The following CRTC1 variants were observed in gnomAD, a reference collection of about 807,000 sequenced individuals.
CRTC1 encodes the protein CREB regulated transcription coactivator 1.
In CRTC1, 18 loss-of-function variants were observed where a neutral mutation model predicts 66.1. The observed-to-expected ratio is 0.27, with a 90% confidence interval of 0.19 to 0.40. The LOEUF is 0.40. CRTC1 is among the 10% of genes least tolerant of loss of function. The pLI, the probability that CRTC1 is intolerant of heterozygous loss-of-function variation, is 1.00. For synonymous variants in CRTC1, 416 were observed against 398.8 expected (o/e 1.04, Z -0.51); for missense variants, 669 against 887.9 (o/e 0.75, Z 3.13).
intron 5 of CRTC1, among the ~76,000 whole-genome samples, chr19:18,752,920 G>C (rs909117148): frequency 4.3e-4 from 65 of 151,864 alleles, no homozygotes; most frequent in African/African-American, 1.5e-3. Flanking sequence ...TTACAGGCGT[G>C]AGCCACCACG....
At chr19:18,719,171 C>G (rs2053569337) in intron 1 of CRTC1, among the ~76,000 whole-genome samples, 1 of 152,250 alleles carries the variant, frequency 6.6e-6, no homozygotes, top group Admixed American at 6.5e-5. Flanking sequence ...CCTGCTTCTT[C>G]TACCCTGGCG....
intron 1 of CRTC1, among the ~76,000 whole-genome samples, chr19:18,690,708 A>G (rs1324646714): frequency 6.6e-6 from 1 of 152,002 alleles, no homozygotes; most frequent in East Asian, 1.9e-4. Context: ...GTGGCCCTAA[A>G]TCCGGTGACT....
chr19:18,781,234 C>T lies in CRTC1; in HGVS notation c.*3852C>T, dbSNP rs2055096894. On this transcript the variant is annotated 3_prime_UTR_variant, in exon 14 of 14. Transcript: ENST00000321949. ...GCCCTGGGCCAGGGCGTGCGGGCGC[C>T]AGAGCCTTCCCTACACAGCCTAAGA... The T allele has an allele frequency of 1.3e-5, 3 of 227,364 alleles. No individual in the cohort carries two copies. Among genetic ancestry groups the T allele is most frequent in the African/African-American group, 2.2e-5 (1 of 44,884 alleles). The allele number at this position is 227,364 out of a possible 1,614,324, so 14.1% of individuals were successfully genotyped here.
At position 18,778,201 on chromosome 19, in the gene CRTC1, C is replaced by A. The variant is rs1305529879; in HGVS notation, c.*819C>A. The A allele has an allele frequency of 4.3e-6, 1 of 232,932 alleles. No homozygotes were observed. Among genetic ancestry groups the A allele is most frequent in the Non-Finnish European group, 8.5e-6 (1 of 117,912 alleles). The allele number at this position is 232,932 out of a possible 1,614,324, so 14.4% of individuals were successfully genotyped here. On this transcript the variant is annotated 3_prime_UTR_variant, in exon 14 of 14. Transcript: ENST00000321949. ...CTTGGGGCTTTACAATCCGTGGCCC[C>A]TCCTGTCCTGCACTGTGGTCACCGG... is the stretch of plus-strand genomic sequence containing the variant.
Position 18,778,877 on chromosome 19 carries a change from G to A in CRTC1, c.*1495G>A, listed in dbSNP as rs560740338. 4 of 231,278 alleles carry A rather than the reference G, an allele frequency of 1.7e-5. No individual in the cohort carries two copies. The highest frequency in any genetic ancestry group is 6.1e-5 in the East Asian group (1 of 16,322). The allele number at this position is 231,278 out of a possible 1,614,324, so 14.3% of individuals were successfully genotyped here. A position where few individuals can be genotyped will look rare whatever the true frequency, so the allele number is the denominator to read the frequency against. ...GCCCACACCCCCTCTCTTGGGCAGC[G>A]TGGTCTGCTGGCTGCCCCTTCTTGG... On this transcript the variant is annotated 3_prime_UTR_variant, in exon 14 of 14. Coordinates refer to ENST00000321949, the MANE Select transcript of CRTC1 (RefSeq NM_015321.3).
chr19:18,722,900 C>CGT (rs891778274), intron 1 of CRTC1, among the ~76,000 whole-genome samples: 2 of 151,922 alleles, frequency 1.3e-5, no homozygotes, highest in African/African-American at 4.8e-5. Context: ...CACTCAGCAT[C>CGT]GTGTTTTCGA....
At chr19:18,689,658 G>A (rs889528034) in intron 1 of CRTC1, among the ~76,000 whole-genome samples, 1 of 140,826 alleles carries the variant, frequency 7.1e-6, no homozygotes, top group African/African-American at 2.7e-5. Context: ...TTCCCAGTGT[G>A]GTGCACCGTC....
At chr19:18,711,791 C>A (rs887503145) in intron 1 of CRTC1, among the ~76,000 whole-genome samples, 8 of 152,194 alleles carry the variant, frequency 5.3e-5, no homozygotes, top group African/African-American at 1.9e-4. Flanking sequence ...CTTCCTTATA[C>A]ACATGTGGGA....
At chr19:18,737,725 G>C (rs1234685521) in intron 1 of CRTC1, among the ~76,000 whole-genome samples, 1 of 115,288 alleles carries the variant, frequency 8.7e-6, no homozygotes, top group Non-Finnish European at 2.0e-5. Context: ...CCAAGCTGCC[G>C]CCCTCCTGCT....
intron 6 of CRTC1, among the ~76,000 whole-genome samples, chr19:18,759,009 G>C (rs1202464073): frequency 1.3e-5 from 2 of 152,220 alleles, no homozygotes; most frequent in Non-Finnish European, 2.9e-5. Context: ...CTGTGGTACA[G>C]CGTTGGGAGT....
chr19:18,736,375 G>A (rs1192333128), intron 1 of CRTC1, among the ~76,000 whole-genome samples: 5 of 152,088 alleles, frequency 3.3e-5, no homozygotes, highest in Admixed American at 2.6e-4. Flanking sequence ...CTGTGCATTC[G>A]CTGGGCTGGA....
chr19:18,727,595 A>AAAAAAAAG, intron 1 of CRTC1, among the ~76,000 whole-genome samples: 1 of 149,774 alleles, frequency 6.7e-6, no homozygotes, highest in African/African-American at 2.5e-5. Context: ...AAAAAAAAAA[A>AAAAAAAAG]AAGAAGAAGA....
At chr19:18,717,830 G>T (rs1015903419) in intron 1 of CRTC1, among the ~76,000 whole-genome samples, 8 of 152,070 alleles carry the variant, frequency 5.3e-5, no homozygotes, top group African/African-American at 1.7e-4. Flanking sequence ...AGACACGGGG[G>T]TGCGTGTGTG....
intron 3 of CRTC1, among the ~76,000 whole-genome samples, chr19:18,746,271 C>A (rs913811086): frequency 1.3e-5 from 2 of 152,106 alleles, no homozygotes; most frequent in African/African-American, 4.8e-5. Context: ...GGCAGTGGGG[C>A]CAGGAAGGCC....
rs145729012 is a variant in CRTC1 at position 18,725,330 on chromosome 19, C to A, written c.127-17580C>A. Reference sequence around the variant, plus strand: ...AGGTGGCTTGATCCATCTCAGTTGTCCCTCCCTGTGGCCTCCAGGGAGCCC... The same window carrying A: ...AGGTGGCTTGATCCATCTCAGTTGTACCTCCCTGTGGCCTCCAGGGAGCCC... On this transcript the variant is annotated intron_variant, in intron 1 of 13. Transcript: ENST00000321949. Among the ~76,000 whole-genome samples, 450 of 152,232 alleles carry A rather than the reference C, an allele frequency of 3.0e-3. 1 individual carries two copies. The highest frequency in any genetic ancestry group is 0.01 in the African/African-American group (432 of 41,556).
intron 1 of CRTC1, among the ~76,000 whole-genome samples, chr19:18,690,869 C>T (rs1196364151): frequency 1.3e-5 from 2 of 151,540 alleles, no homozygotes; most frequent in African/African-American, 4.8e-5. Flanking sequence ...ACTAAAAATA[C>T]AAAAAAATTA....
chr19:18,739,795 G>A (rs868051778), intron 1 of CRTC1, among the ~76,000 whole-genome samples: 26 of 152,208 alleles, frequency 1.7e-4, no homozygotes, highest in Admixed American at 3.3e-4. Flanking sequence ...GAGAAAGGAG[G>A]ACCCTGCTCC....
chr19:18,762,518 C>T (rs998378810), intron 8 of CRTC1, among the ~76,000 whole-genome samples: 38 of 152,228 alleles, frequency 2.5e-4, no homozygotes, highest in Admixed American at 1.5e-3. Context: ...GAGGCCTTCG[C>T]GGCCGAGGAG....
intron 1 of CRTC1, among the ~76,000 whole-genome samples, chr19:18,690,965 G>T (rs2052816571): frequency 6.6e-6 from 1 of 150,518 alleles, no homozygotes; most frequent in South Asian, 2.1e-4. Flanking sequence ...GGCAGAGCTT[G>T]CAGTGAGCCG....
Sources: allele counts gnomAD v4.1 joint callset (sites outside exome capture counted in the v4.1 genomes callset), GRCh38; gene constraint gnomAD v4.1.1; transcripts MANE v1.5; gene names NCBI Gene and HGNC (gene_info 2026-07-23, HGNC 2026-07-21).